The following ZCWPW2 variants were observed in gnomAD, a reference collection of about 807,000 sequenced individuals.
ZCWPW2 encodes the protein zinc finger CW-type and PWWP domain containing 2.
ZCWPW2 carries 45 observed loss-of-function variants against 46.6 expected under a neutral mutation model. The observed-to-expected ratio is 0.96, with a 90% CI of 0.76 to 1.24. The LOEUF is 1.24. Among genes scored for constraint, ZCWPW2 ranks in the 50% most tolerant of loss-of-function variants. The pLI is 0.00. For missense variants in ZCWPW2, 429 were observed against 403.9 expected (o/e 1.06, Z -0.53); for synonymous variants, 152 against 137.1 (o/e 1.11, Z -0.76).
At chr3:28,433,770 C>G (rs112329243) in intron 3 of ZCWPW2, among the ~76,000 whole-genome samples, 1 of 94,720 alleles carries the variant, frequency 1.1e-5, no homozygotes, top group Admixed American at 1.2e-4. Context: ...AAAAAAAAAA[C>G]AAAAAACAAA....
intron 8 of ZCWPW2, 116 bp downstream of exon 8, chr3:28,515,737 G>GTC: frequency 1.3e-6 from 1 of 799,766 alleles, no homozygotes; most frequent in Non-Finnish European, 1.9e-6. Flanking sequence ...GTGTGTGTGT[G>GTC]TGTGTGTGTA....
intron 2 of ZCWPW2, among the ~76,000 whole-genome samples, chr3:28,404,295 AATC>A (rs775059009): frequency 7.1e-4 from 108 of 152,266 alleles, no homozygotes; most frequent in Non-Finnish European, 1.3e-3. Flanking sequence ...CATCATGAAT[AATC>A]AGGAAAATGC....
chr3:28,481,330 G>A (rs1352587031), intron 5 of ZCWPW2, among the ~76,000 whole-genome samples: 2 of 152,016 alleles, frequency 1.3e-5, no homozygotes, highest in African/African-American at 4.8e-5. Context: ...CGCAACCTCC[G>A]CCTCCTGGGT....
At chr3:28,467,873 G>A (rs556409377) in intron 4 of ZCWPW2, among the ~76,000 whole-genome samples, 7 of 152,088 alleles carry the variant, frequency 4.6e-5, no homozygotes, top group African/African-American at 1.2e-4. Flanking sequence ...AACCCATATC[G>A]TGAAGACTAC....
At chr3:28,377,870 A>G (rs990283774) in intron 1 of ZCWPW2, among the ~76,000 whole-genome samples, 17 of 152,088 alleles carry the variant, frequency 1.1e-4, no homozygotes, top group African/African-American at 4.1e-4. Context: ...GCATTTTAGC[A>G]CAATTTATCA....
At chr3:28,456,918 T>G (rs936474640) in intron 4 of ZCWPW2, among the ~76,000 whole-genome samples, 3 of 152,170 alleles carry the variant, frequency 2.0e-5, no homozygotes, top group East Asian at 1.9e-4. Flanking sequence ...TCAAGGATAT[T>G]GGCCTGAAGT....
intron 4 of ZCWPW2, 123 bp downstream of exon 4, chr3:28,435,392 T>C (rs1697439811): frequency 1.3e-6 from 1 of 794,392 alleles, no homozygotes; most frequent in Admixed American, 3.9e-5. Context: ...TGCTGTTTAT[T>C]TAATTCAAAT....
At chr3:28,465,326 AG>A (rs1272929674) in intron 4 of ZCWPW2, among the ~76,000 whole-genome samples, 1 of 152,188 alleles carries the variant, frequency 6.6e-6, no homozygotes, top group Non-Finnish European at 1.5e-5. Context: ...TATTATATTT[AG>A]TGAGATGCTG....
intron 8 of ZCWPW2, among the ~76,000 whole-genome samples, chr3:28,517,062 A>G (rs189264589): frequency 6.6e-6 from 1 of 152,202 alleles, no homozygotes; most frequent in South Asian, 2.1e-4. Context: ...AAGTAGGAAA[A>G]GTTTTAGACT....
chr3:28,514,072 T>G lies in ZCWPW2; in HGVS notation c.666T>G (p.Thr222=). 4 of 1,510,718 alleles carry G rather than the reference T, an allele frequency of 2.6e-6. No individual in the cohort carries two copies. Among genetic ancestry groups the G allele is most frequent in the Non-Finnish European group, 3.6e-6 (4 of 1,104,564 alleles). 93.6% of individuals were successfully genotyped at this position (1,510,718 alleles called of 1,614,324 possible). ...VAALVKKRKQ[T]SKNNIEKKKP... Reference sequence around the variant, plus strand: ...TTGTTTTTGTGTTATAGAAGCAGACTTCTAAAAATAATATTGAAAAGAAGA... The same window carrying G: ...TTGTTTTTGTGTTATAGAAGCAGACGTCTAAAAATAATATTGAAAAGAAGA... Residue 222 remains threonine (T), a synonymous_variant, in exon 7 of 10, where the codon ACT becomes ACG. Transcript: ENST00000383768.
intron 1 of ZCWPW2, among the ~76,000 whole-genome samples, chr3:28,367,186 G>A (rs1705151442): frequency 1.3e-5 from 2 of 152,126 alleles, no homozygotes; most frequent in African/African-American, 2.4e-5. Flanking sequence ...CCTTCTGCTA[G>A]CTTTTGAATG....
intron 8 of ZCWPW2, among the ~76,000 whole-genome samples, chr3:28,519,561 A>G (rs925314226): frequency 2.6e-5 from 4 of 152,198 alleles, no homozygotes; most frequent in Non-Finnish European, 4.4e-5. Context: ...AGCAGAATTT[A>G]AAATTTTCCT....
In ZCWPW2 at chr3:28,390,602, A is replaced by G. The variant is rs73825146; in HGVS notation, c.-29A>G. On this transcript the variant is annotated 5_prime_UTR_variant, in exon 2 of 10. Transcript: ENST00000383768. ...TTCATGGAATTTTGCTAGGAACAAA[A>G]GAAAAGTCTAACTCCGTAAGTACTT... 7,045 of 985,386 alleles carry G rather than the reference A, an allele frequency of 7.1e-3. 157 individuals carry two copies. The highest frequency in any genetic ancestry group is 0.064 in the African/African-American group (3,693 of 57,342). The allele number at this position is 985,386 out of a possible 1,614,324, so 61.0% of individuals were successfully genotyped here. A position where few individuals can be genotyped will look rare whatever the true frequency, so the allele number is the denominator to read the frequency against.
chr3:28,371,651 C>G (rs1705338324), intron 1 of ZCWPW2, among the ~76,000 whole-genome samples: 1 of 151,814 alleles, frequency 6.6e-6, no homozygotes, highest in Admixed American at 6.6e-5. Context: ...AGAGAAAGAC[C>G]CATCTCAAGC....
At chr3:28,486,740 A>C (rs1030954483) in intron 5 of ZCWPW2, among the ~76,000 whole-genome samples, 2 of 151,988 alleles carry the variant, frequency 1.3e-5, no homozygotes, top group Non-Finnish European at 2.9e-5. Flanking sequence ...CCAGGTATTC[A>C]TCTGTAGTCC....
intron 4 of ZCWPW2, among the ~76,000 whole-genome samples, chr3:28,460,512 A>G (rs1279206252): frequency 6.6e-6 from 1 of 152,202 alleles, no homozygotes; most frequent in African/African-American, 2.4e-5. Flanking sequence ...AACCTATGTT[A>G]AAGTGACAGG....
In ZCWPW2 at chr3:28,436,424, A is replaced by G. The variant is rs551998537; in HGVS notation, c.492+1155A>G. ...GTAGTTAAGTCTACAAGCAGACACT[A>G]CTGTGCCCAGCTGGATGTTTTTTGT... On this transcript the variant is annotated intron_variant, in intron 4 of 9. Transcript: ENST00000383768. 3.2e-4 allele frequency among the ~76,000 whole-genome samples: 47 copies of G among 144,696 alleles called. 1 individual carries two copies. The highest frequency in any genetic ancestry group is 1.1e-3 in the African/African-American group (44 of 38,634). The allele number at this position is 144,696 out of a possible 152,430, so 94.9% of individuals were successfully genotyped here.
At chr3:28,421,021 T>C (rs1696760229) in intron 3 of ZCWPW2, among the ~76,000 whole-genome samples, 1 of 152,224 alleles carries the variant, frequency 6.6e-6, no homozygotes, top group Non-Finnish European at 1.5e-5. Context: ...AGACTTTATA[T>C]TCTTTTCATT....
intron 4 of ZCWPW2, chr3:28,461,234 T>G (rs904479401): frequency 6.3e-6 from 1 of 158,656 alleles, no homozygotes; most frequent in Non-Finnish European, 1.4e-5. Flanking sequence ...GATGTTGTCA[T>G]TGTACCTAGA....
Sources: allele counts gnomAD v4.1 joint callset (sites outside exome capture counted in the v4.1 genomes callset), GRCh38; gene constraint gnomAD v4.1.1; transcripts MANE v1.5; gene names NCBI Gene and HGNC (gene_info 2026-07-23, HGNC 2026-07-21).